ADAMTS14: variants seen among roughly 807,000 people sequenced by gnomAD.
ADAMTS14 encodes the protein ADAM metallopeptidase with thrombospondin type 1 motif 14.
A neutral mutation model predicts 128.6 loss-of-function variants in ADAMTS14; 100 were observed. That is an observed-to-expected ratio of 0.78 (90% CI 0.66 to 0.92). ADAMTS14 has a LOEUF of 0.92. Among genes scored for constraint, ADAMTS14 ranks in the 40% least tolerant of loss-of-function variants. The pLI is 0.00. For missense variants in ADAMTS14, 1,562 were observed against 1,658.6 expected (o/e 0.94, Z 1.01); for synonymous variants, 665 against 653.8 (o/e 1.02, Z -0.26).
intron 15 of ADAMTS14, among the ~76,000 whole-genome samples, chr10:70,747,842 C>T (rs535804626): frequency 6.6e-6 from 1 of 152,196 alleles, no homozygotes; most frequent in South Asian, 2.1e-4. Flanking sequence ...TGCACAGTGG[C>T]CTTCAGTGAA....
chr10:70,702,883 T>C (rs1840541103), intron 3 of ADAMTS14, among the ~76,000 whole-genome samples: 1 of 152,178 alleles, frequency 6.6e-6, no homozygotes, highest in Admixed American at 6.5e-5. Flanking sequence ...CTGGGCGTCA[T>C]GGTCAGCTTT....
intron 2 of ADAMTS14, among the ~76,000 whole-genome samples, chr10:70,681,690 G>T (rs1462378057): frequency 6.6e-6 from 1 of 152,212 alleles, no homozygotes; most frequent in African/African-American, 2.4e-5. Context: ...GCCCTGGGAA[G>T]CTGCGGGTCG....
Position 70,729,072 on chromosome 10 carries a change from C to CT in ADAMTS14, c.871-221dup, listed in dbSNP as rs1300527305. Reference sequence around the variant, plus strand: ...GAGCTCATGGTTGGGATTACATGGTCTAAGATGTGAATCCCAGTTCTGCAG... The same window carrying CT: ...GAGCTCATGGTTGGGATTACATGGTCTTAAGATGTGAATCCCAGTTCTGCAG... On this transcript the variant is annotated intron_variant, in intron 4 of 21. Coordinates refer to ENST00000373207, the MANE Select transcript of ADAMTS14 (RefSeq NM_080722.4). Among the ~76,000 whole-genome samples, 5 of 152,158 alleles carry CT rather than the reference C, an allele frequency of 3.3e-5. No individual in the cohort carries two copies. The East Asian group carries it at 9.6e-4, about 29-fold the overall frequency.
chr10:70,741,309 C>T (rs1841993941), intron 12 of ADAMTS14, 147 bp downstream of exon 12: 6 of 948,400 alleles, frequency 6.3e-6, no homozygotes, highest in South Asian at 1.6e-5. Context: ...AGTCAGCGGG[C>T]TCACCATATA....
chr10:70,707,670 G>T (rs900269083), intron 3 of ADAMTS14, among the ~76,000 whole-genome samples: 4 of 152,228 alleles, frequency 2.6e-5, no homozygotes, highest in Admixed American at 2.0e-4. Context: ...CACATGAGAA[G>T]CTACTTAACA....
chr10:70,743,849 C>T (rs1842085186), intron 13 of ADAMTS14, among the ~76,000 whole-genome samples, 168 bp downstream of exon 13: 1 of 152,210 alleles, frequency 6.6e-6, no homozygotes, highest in Non-Finnish European at 1.5e-5. Context: ...TATTGCTCAG[C>T]CCCATTGGAG....
intron 12 of ADAMTS14, among the ~76,000 whole-genome samples, chr10:70,741,556 C>T (rs1842000710): frequency 6.6e-6 from 1 of 152,200 alleles, no homozygotes; most frequent in South Asian, 2.1e-4. Context: ...GTGCAGGCGC[C>T]CTTCCCGTTG....
chr10:70,760,674 C>T lies in ADAMTS14; in HGVS notation c.3493C>T (p.Pro1165Ser), dbSNP rs202039190. The change falls in exon 22 of 22, where the codon CCC becomes TCC. Residue 1165 changes from proline to serine, a missense_variant. Pro to Ser is a moderately conservative substitution (Grantham distance 74). Coordinates refer to ENST00000373207, the MANE Select transcript of ADAMTS14 (RefSeq NM_080722.4). ...LDTSSPGTQH[P>S]FAPETPIPGA... ...TACAAGCTCCCCAGGGACCCAGCAT[C>T]CCTTTGCCCCTGAGACACCAATCCC... 193 of 1,614,088 alleles carry T rather than the reference C, an allele frequency of 1.2e-4. No individual in the cohort carries two copies. Among genetic ancestry groups the T allele is most frequent in the Non-Finnish European group, 1.6e-4 (191 of 1,180,038 alleles).
intron 4 of ADAMTS14, among the ~76,000 whole-genome samples, chr10:70,716,518 C>A (rs985167170): frequency 1.3e-5 from 2 of 152,192 alleles, no homozygotes; most frequent in South Asian, 2.1e-4. Flanking sequence ...CAGATGGGGA[C>A]CGACAGTCTG....
rs536886068 is a variant in ADAMTS14 at position 70,694,752 on chromosome 10, C to CTA, written c.523-7549_523-7548dup. The stretch of plus-strand genomic sequence containing the variant: ...GGCAAAATAATATTTCATTGTATGG[C>CTA]TATATATATATAGTTTGTTTGTCCA... On this transcript the variant is annotated intron_variant, in intron 2 of 21. Transcript: ENST00000373207. Among the ~76,000 whole-genome samples, 46 of 152,122 alleles carry CTA rather than the reference C, an allele frequency of 3.0e-4. 1 individual carries two copies. Among genetic ancestry groups the CTA allele is most frequent in the Admixed American group, 1.3e-3 (20 of 15,264 alleles).
intron 4 of ADAMTS14, among the ~76,000 whole-genome samples, chr10:70,709,504 T>TTTG (rs1840774222): frequency 7.2e-6 from 1 of 138,142 alleles, no homozygotes; most frequent in African/African-American, 2.8e-5. Context: ...AGTTTTTTTT[T>TTTG]TTTTTTTTTT....
rs559914983 is a variant in ADAMTS14 at position 70,757,853 on chromosome 10, C to T, written c.2938-109C>T. On this transcript the variant is annotated intron_variant, in intron 19 of 21. Coordinates refer to ENST00000373207, the MANE Select transcript of ADAMTS14 (RefSeq NM_080722.4). ...AAGACTTGGTGCTCTCCTTTGTACC[C>T]TTTCTGTCCCCGGGCACTGGCTGGG... 13 of 1,469,156 alleles carry T rather than the reference C, an allele frequency of 8.8e-6. No homozygotes were observed. In the African/African-American group the frequency reaches 1.3e-4, roughly 14 times the overall value. The allele number at this position is 1,469,156 out of a possible 1,614,324, so 91.0% of individuals were successfully genotyped here. A position where few individuals can be genotyped will look rare whatever the true frequency, so the allele number is the denominator to read the frequency against.
chr10:70,735,438 A>C (rs1367469698), intron 9 of ADAMTS14, 137 bp downstream of exon 9: 1 of 1,290,782 alleles, frequency 7.7e-7, no homozygotes, highest in African/African-American at 1.5e-5. Context: ...ACACAGTGCC[A>C]GCCACCATGC....
chr10:70,693,496 C>T (rs1157910884), intron 2 of ADAMTS14, among the ~76,000 whole-genome samples: 2 of 152,130 alleles, frequency 1.3e-5, no homozygotes, highest in Non-Finnish European at 2.9e-5. Flanking sequence ...GTGGCATGCT[C>T]GGGACCATCC....
intron 7 of ADAMTS14, 52 bp downstream of exon 7, chr10:70,732,411 A>G: frequency 1.3e-6 from 2 of 1,494,052 alleles, no homozygotes; most frequent in Non-Finnish European, 9.3e-7. Context: ...CGTGAGCTCC[A>G]GGGAATTCTG....
chr10:70,759,605 C>A (rs1246541230), intron 21 of ADAMTS14, among the ~76,000 whole-genome samples: 1 of 152,246 alleles, frequency 6.6e-6, no homozygotes, highest in African/African-American at 2.4e-5. Context: ...GTTTAAGTGA[C>A]TTGCCAAAGG....
intron 9 of ADAMTS14, among the ~76,000 whole-genome samples, chr10:70,735,792 G>C (rs1841809434): frequency 1.3e-5 from 2 of 152,196 alleles, no homozygotes; most frequent in South Asian, 4.1e-4. Flanking sequence ...CTGCAGGATG[G>C]CACAGGGGAA....
chr10:70,732,151 C>T (rs1176241153), intron 6 of ADAMTS14, 103 bp from the exon 7 acceptor site: 1 of 1,028,518 alleles, frequency 9.7e-7, no homozygotes, highest in Non-Finnish European at 1.5e-6. Flanking sequence ...AACGTCCCCA[C>T]TCCAAGCACT....
intron 2 of ADAMTS14, among the ~76,000 whole-genome samples, chr10:70,700,157 T>G (rs1188948660): frequency 6.6e-6 from 1 of 152,092 alleles, no homozygotes; most frequent in Non-Finnish European, 1.5e-5. Context: ...ACAGGCCTCC[T>G]GTGGGGAGTT....
Sources: allele counts gnomAD v4.1 joint callset (sites outside exome capture counted in the v4.1 genomes callset), GRCh38; gene constraint gnomAD v4.1.1; transcripts MANE v1.5; gene names NCBI Gene and HGNC (gene_info 2026-07-23, HGNC 2026-07-21).